The following XCR1 variants were observed in gnomAD, a reference collection of about 807,000 sequenced individuals.
The protein encoded by XCR1 is chemokine XC receptor 1.
For synonymous variants in XCR1, 187 were observed against 188.5 expected (o/e 0.99, Z 0.06); for missense variants, 356 against 424.2 (o/e 0.84, Z 1.41).
intron 4 of XCR1, among the ~76,000 whole-genome samples, chr3:46,062,684 A>G (rs1324527318): frequency 6.6e-6 from 1 of 152,260 alleles, no homozygotes; most frequent in Admixed American, 6.5e-5. Context: ...TTCCAACAGA[A>G]CAGGAGCTCA....
chr3:46,074,871 C>G (rs1698231652), intron 2 of XCR1, among the ~76,000 whole-genome samples: 1 of 152,034 alleles, frequency 6.6e-6, no homozygotes, highest in African/African-American at 2.4e-5. Context: ...TAAAACTTGT[C>G]AACTTAGATG....
chr3:46,039,865 T>C (rs1559484754), intron 5 of XCR1, among the ~76,000 whole-genome samples: 1 of 152,206 alleles, frequency 6.6e-6, no homozygotes, highest in Non-Finnish European at 1.5e-5. Context: ...GGCCAGTGTC[T>C]GGGCCAGTGT....
At chr3:46,073,546 G>C (rs1403524331) in intron 3 of XCR1, among the ~76,000 whole-genome samples, 1 of 152,140 alleles carries the variant, frequency 6.6e-6, no homozygotes, top group Non-Finnish European at 1.5e-5. Context: ...CTGAGATCAT[G>C]CCACTGTACT....
intron 5 of XCR1, among the ~76,000 whole-genome samples, chr3:46,043,036 T>C (rs1697563284): frequency 6.6e-6 from 1 of 152,144 alleles, no homozygotes; most frequent in Admixed American, 6.5e-5. Flanking sequence ...ATCAATAATG[T>C]AATGCATCAC....
intron 5 of XCR1, among the ~76,000 whole-genome samples, chr3:46,037,290 G>A (rs963396879): frequency 6.6e-6 from 1 of 152,100 alleles, no homozygotes; most frequent in Non-Finnish European, 1.5e-5. Flanking sequence ...ACTTGAAAAT[G>A]TTATTTATGA....
At chr3:46,032,314 CA>C (rs2125895919), upstream of XCR1, among the ~76,000 whole-genome samples, 1 of 152,330 alleles carries the variant, frequency 6.6e-6, no homozygotes, top group Admixed American at 6.5e-5. Flanking sequence ...TGTACCACTG[CA>C]TTCCCTTACG....
chr3:46,036,917 T>A (rs1203798179), intron 5 of XCR1, among the ~76,000 whole-genome samples: 1 of 152,162 alleles, frequency 6.6e-6, no homozygotes, highest in Non-Finnish European at 1.5e-5. Flanking sequence ...CGAGATAAAC[T>A]GCCAAAAATA....
In XCR1 at chr3:46,021,574, A is replaced by C. The variant is rs1223825903; in HGVS notation, c.374T>G (p.Ile125Ser). 1 of 1,611,132 alleles carries C rather than the reference A, an allele frequency of 6.2e-7. No homozygotes were observed. Among genetic ancestry groups the C allele is most frequent in the Non-Finnish European group, 8.5e-7 (1 of 1,178,506 alleles). Reference sequence around the variant, plus strand: ...GCTCACTACCGACAGGTAGCGGTGGATGGTCATGATGGTCAGGAAGAAGAT... The same window carrying C: ...GCTCACTACCGACAGGTAGCGGTGGCTGGTCATGATGGTCAGGAAGAAGAT... ...SSIFFLTIMT[I>S]HRYLSVVSPL... The change falls in exon 2 of 2, where the codon ATC becomes AGC. Residue 125 changes from isoleucine to serine, a missense_variant. Transcript: ENST00000309285. This position sits in a 1 kb window ranked among gnomAD's most constrained non-coding sequence, Gnocchi z 4.7.
chr3:46,078,309 A>G (rs771054193), intron 1 of XCR1, among the ~76,000 whole-genome samples: 4 of 152,018 alleles, frequency 2.6e-5, no homozygotes, highest in Non-Finnish European at 5.9e-5. Context: ...TATCTGACTT[A>G]CCTCCCAGAC....
intron 5 of XCR1, among the ~76,000 whole-genome samples, chr3:46,039,002 T>C (rs1044701697): frequency 1.3e-5 from 2 of 152,010 alleles, no homozygotes; most frequent in Non-Finnish European, 2.9e-5. Context: ...AGTGAGACTT[T>C]CCAGTTATCT....
intron 1 of XCR1, among the ~76,000 whole-genome samples, chr3:46,081,041 C>G (rs183359367): frequency 4.6e-5 from 7 of 152,064 alleles, no homozygotes; most frequent in African/African-American, 1.2e-4. Context: ...GAAACCTGCC[C>G]GTGCCAATGA....
chr3:46,030,524 C>T (rs1708376065), upstream of XCR1, among the ~76,000 whole-genome samples: 1 of 152,180 alleles, frequency 6.6e-6, no homozygotes. Flanking sequence ...GCACTATACA[C>T]TATGTATAAA....
chr3:46,062,218 G>A (rs1419057431), intron 4 of XCR1, among the ~76,000 whole-genome samples: 1 of 152,170 alleles, frequency 6.6e-6, no homozygotes, highest in Non-Finnish European at 1.5e-5. Flanking sequence ...AGGACCAGTG[G>A]ATGTGAGTCC....
chr3:46,022,209 G>A (rs1708171209), intron 1 of XCR1: 2 of 393,080 alleles, frequency 5.1e-6, no homozygotes, highest in East Asian at 8.7e-5. Flanking sequence ...ACCGGGGGGT[G>A]GGGAAAGATT....
chr3:46,049,981 C>G (rs1697708758), intron 5 of XCR1, among the ~76,000 whole-genome samples: 2 of 152,158 alleles, frequency 1.3e-5, no homozygotes, highest in Non-Finnish European at 2.9e-5. Context: ...TTGACCTATG[C>G]CTGCCCATAG....
At chr3:46,083,923 T>A (rs1353720574) in intron 1 of XCR1, among the ~76,000 whole-genome samples, 1 of 152,224 alleles carries the variant, frequency 6.6e-6, no homozygotes, top group Admixed American at 6.5e-5. Context: ...ACAGACTAGA[T>A]TCCTTTTTCA....
chr3:46,027,335 G>T (rs1246446491), intron 1 of XCR1, 82 bp downstream of exon 1: 3 of 152,136 alleles, frequency 2.0e-5, no homozygotes, highest in African/African-American at 7.2e-5. Flanking sequence ...GTTCTGATGT[G>T]CAGCAAAGCT....
chr3:46,073,107 T>G (rs772362064), intron 3 of XCR1, among the ~76,000 whole-genome samples: 4 of 151,888 alleles, frequency 2.6e-5, no homozygotes, highest in Non-Finnish European at 5.9e-5. Context: ...TCTCACCACA[T>G]AAAAAAATCA....
In XCR1 at chr3:46,020,838, C is replaced by T. The variant is rs927993536; in HGVS notation, c.*108G>A. ...CACTGCACGCCTGCAGCGGAGGAGA[C>T]GTCTCCACCCTGCTGTGTTCTGCAA... On this transcript the variant is annotated 3_prime_UTR_variant, in exon 2 of 2. Coordinates refer to ENST00000309285, the MANE Select transcript of XCR1 (RefSeq NM_001024644.2). 11 of 1,403,294 alleles carry T rather than the reference C, an allele frequency of 7.8e-6. No individual in the cohort carries two copies. Among genetic ancestry groups the T allele is most frequent in the African/African-American group, 7.3e-5 (5 of 68,928 alleles). The allele number at this position is 1,403,294 out of a possible 1,614,324, so 86.9% of individuals were successfully genotyped here.
Sources: gnomAD v4.1 joint callset for allele counts (sites outside exome capture counted in the v4.1 genomes callset) on GRCh38, gnomAD v4.1.1 for gene constraint, Gnocchi (gnomAD v3.1) non-coding constraint, MANE v1.5 for transcripts, NCBI Gene and HGNC (gene_info 2026-07-23, HGNC 2026-07-21) for gene names.